ADGRL2: variants seen among roughly 807,000 people sequenced by gnomAD.
ADGRL2 encodes adhesion G protein-coupled receptor L2.
Under a neutral mutation model 157.4 loss-of-function variants are expected in ADGRL2, and 44 were observed. The ratio of observed to expected loss-of-function variants is 0.28; its 90% CI spans 0.22 to 0.36. The LOEUF is 0.36. Among genes scored for constraint, ADGRL2 ranks in the 10% least tolerant of loss-of-function variants. The pLI is 1.00. For missense variants in ADGRL2, 1,510 were observed against 1,768.9 expected (o/e 0.85, Z 2.63); for synonymous variants, 585 against 624.7 (o/e 0.94, Z 0.95).
At chr1:81,782,916 T>G (rs1342299269) in intron 2 of ADGRL2, among the ~76,000 whole-genome samples, 2 of 151,792 alleles carry the variant, frequency 1.3e-5, no homozygotes, top group African/African-American at 4.8e-5. Context: ...AGGATCAGAG[T>G]AGGGAAGGGA....
upstream of ADGRL2, among the ~76,000 whole-genome samples, chr1:81,695,834 A>G (rs1265411541): frequency 6.6e-6 from 1 of 151,918 alleles, no homozygotes; most frequent in East Asian, 1.9e-4. Context: ...AAAAAAAAAA[A>G]AAAGAATTAA....
chr1:81,775,336 T>C (rs1019204500), intron 2 of ADGRL2, among the ~76,000 whole-genome samples: 5 of 152,140 alleles, frequency 3.3e-5, no homozygotes, highest in African/African-American at 1.2e-4. Context: ...GGGTAACAAA[T>C]AATGGCATTC....
chr1:81,539,894 C>T (rs967222746), intron 2 of ADGRL2, among the ~76,000 whole-genome samples: 1 of 151,804 alleles, frequency 6.6e-6, no homozygotes, highest in Non-Finnish European at 1.5e-5. Context: ...ACATCCCTTA[C>T]TCTAGAACTT....
intron 3 of ADGRL2, among the ~76,000 whole-genome samples, chr1:81,915,417 C>A (rs544062634): frequency 2.6e-4 from 40 of 152,170 alleles, no homozygotes; most frequent in Admixed American, 4.6e-4. Context: ...TAAAACAGTT[C>A]TACTAGATGT....
At chr1:81,641,530 G>T (rs780075627) in intron 3 of ADGRL2, among the ~76,000 whole-genome samples, 1 of 152,114 alleles carries the variant, frequency 6.6e-6, no homozygotes, top group African/African-American at 2.4e-5. Flanking sequence ...AAAATAGCTG[G>T]AAAATCCCCC....
At chr1:81,858,955 T>G (rs2093301125) in intron 2 of ADGRL2, among the ~76,000 whole-genome samples, 1 of 152,204 alleles carries the variant, frequency 6.6e-6, no homozygotes, top group Non-Finnish European at 1.5e-5. Context: ...ATTATTTATT[T>G]TTACTACATA....
At chr1:81,754,103 CTG>C (rs1188760462) in intron 1 of ADGRL2, among the ~76,000 whole-genome samples, 2 of 152,008 alleles carry the variant, frequency 1.3e-5, no homozygotes, top group East Asian at 3.9e-4. Context: ...TGGTGGTGTG[CTG>C]ATAGAAACTA....
intron 1 of ADGRL2, among the ~76,000 whole-genome samples, chr1:81,743,398 T>TG (rs1038110171): frequency 7.3e-5 from 11 of 151,228 alleles, no homozygotes; most frequent in Non-Finnish European, 3.0e-5. Flanking sequence ...AGAAGGTTTT[T>TG]TTTTTTTTTT....
intron 1 of ADGRL2, among the ~76,000 whole-genome samples, chr1:81,712,217 G>A (rs1394970422): frequency 1.3e-5 from 2 of 152,148 alleles, no homozygotes; most frequent in Non-Finnish European, 2.9e-5. Context: ...AGTTACTATG[G>A]GAATTTGGAA....
intron 1 of ADGRL2, among the ~76,000 whole-genome samples, chr1:81,705,675 G>T (rs2149051092): frequency 6.6e-6 from 1 of 152,106 alleles, no homozygotes; most frequent in Non-Finnish European, 1.5e-5. Flanking sequence ...CCAGCACTTT[G>T]GGAGGCTGCA....
intron 2 of ADGRL2, among the ~76,000 whole-genome samples, chr1:81,526,650 A>G (rs1040747367): frequency 2.0e-5 from 3 of 152,118 alleles, no homozygotes; most frequent in African/African-American, 7.2e-5. Context: ...TTTCTCTGGG[A>G]GGGAGATTTT....
chr1:81,331,967 G>A (rs1329141185), intron 1 of ADGRL2, among the ~76,000 whole-genome samples: 2 of 152,092 alleles, frequency 1.3e-5, no homozygotes, highest in Non-Finnish European at 2.9e-5. Flanking sequence ...AGTTGTATCT[G>A]TTGACCTAGG....
chr1:81,861,670 C>T (rs549493160), intron 2 of ADGRL2, among the ~76,000 whole-genome samples: 1 of 152,230 alleles, frequency 6.6e-6, no homozygotes, highest in South Asian at 2.1e-4. Flanking sequence ...AGGTGGATCA[C>T]TTGAGGTCAA....
chr1:81,609,849 T>C (rs1242598121), intron 3 of ADGRL2, among the ~76,000 whole-genome samples: 1 of 152,230 alleles, frequency 6.6e-6, no homozygotes, highest in Non-Finnish European at 1.5e-5. Context: ...TTGGGAGATA[T>C]AACCAAAATA....
intron 10 of ADGRL2, among the ~76,000 whole-genome samples, chr1:81,955,335 C>G (rs1653149013): frequency 7.3e-6 from 1 of 137,758 alleles, no homozygotes; most frequent in Non-Finnish European, 1.7e-5. Flanking sequence ...TTAATGCCAC[C>G]TTGTTTTTTT....
intron 1 of ADGRL2, among the ~76,000 whole-genome samples, chr1:81,318,928 CTTTTTTTTTTTTT>C (rs397980625): frequency 4.8e-4 from 22 of 45,836 alleles, no homozygotes; most frequent in Admixed American, 3.2e-3. Context: ...TCCATCAATT[CTTTTTTTTTTTTT>C]TTTTTTTTTT....
rs188331420 is a variant in ADGRL2, at chr1:81,622,793, A to G, written c.-143+41813A>G. Among the ~76,000 whole-genome samples the G allele has an allele frequency of 1.6e-3, 245 of 152,314 alleles. 3 individuals carry two copies. Among genetic ancestry groups the G allele is most frequent in the Admixed American group, 0.015 (224 of 15,294 alleles). On this transcript the variant is annotated intron_variant, in intron 3 of 24. Transcript: ENST00000370721. ...CAAAACCTATATTTTTAAATTAGCAACATATCCTGCATGTTTTTCCAGTTA... is the reference window on the plus strand; with the variant it reads ...CAAAACCTATATTTTTAAATTAGCAGCATATCCTGCATGTTTTTCCAGTTA...
chr1:81,989,648 A>G lies in ADGRL2; in HGVS notation c.3656-743A>G, dbSNP rs779141996. 3.1e-6 allele frequency: 5 copies of G among 1,608,690 alleles called. No individual in the cohort carries two copies. In the South Asian group the frequency reaches 3.3e-5, roughly 11 times the overall value. On this transcript the variant is annotated intron_variant, in intron 23 of 23. Coordinates refer to ENST00000686636, the MANE Select transcript of ADGRL2 (RefSeq NM_001366006.2). ...ACAATAAATCATTTTACTTTCTTTT[A>G]TATATCAGCTACTCTTAGGCCAGAT...
chr1:81,748,467 CAAAAAAAAAAA>C (rs973818702), intron 1 of ADGRL2, among the ~76,000 whole-genome samples: 3 of 42,410 alleles, frequency 7.1e-5, no homozygotes, highest in South Asian at 1.1e-3. Flanking sequence ...GATTCCGTCT[CAAAAAAAAAAA>C]AAAAAAAAAA....
Sources: allele counts gnomAD v4.1 joint callset (sites outside exome capture counted in the v4.1 genomes callset), GRCh38; gene constraint gnomAD v4.1.1; transcripts MANE v1.5; gene names NCBI Gene and HGNC (gene_info 2026-07-23, HGNC 2026-07-21).